LRRC8A: variants seen among roughly 807,000 people sequenced by gnomAD.
LRRC8A encodes volume-regulated anion channel subunit LRRC8A.
Under a neutral mutation model 52.5 loss-of-function variants are expected in LRRC8A, and 24 were observed. The ratio of observed to expected loss-of-function variants is 0.46; its 90% confidence interval spans 0.33 to 0.64. LRRC8A has a LOEUF of 0.64. Ranked by LOEUF, LRRC8A falls within the 30% of genes least tolerant of loss-of-function variation. The probability of loss-of-function intolerance (pLI) is 0.02; values close to 1 mark genes in which losing one functional copy is unlikely to be tolerated. For synonymous variants in LRRC8A, 492 were observed against 494.2 expected, an observed-to-expected ratio of 1.00 and a Z score of 0.06; for missense variants, 677 against 1,094.7, an observed-to-expected ratio of 0.62 and a Z score of 5.38.
At chr9:128,895,669 C>T (rs1839795542) in intron 2 of LRRC8A, among the ~76,000 whole-genome samples, 1 of 152,116 alleles carries the variant, frequency 6.6e-6, no homozygotes, top group Non-Finnish European at 1.5e-5. Flanking sequence ...TCCCTGGGGG[C>T]AGGGCAGGAC....
At position 128,902,544 on chromosome 9, in the gene LRRC8A, C is replaced by A. The variant is rs1840067277; in HGVS notation, c.-8-4613C>A. Among the ~76,000 whole-genome samples, 1 of 152,232 alleles carries A rather than the reference C, an allele frequency of 6.6e-6. No homozygotes were observed. Among genetic ancestry groups the A allele is most frequent in the Non-Finnish European group, 1.5e-5 (1 of 68,044 alleles). On this transcript the variant is annotated intron_variant, in intron 2 of 3. Transcript: ENST00000372600. The surrounding 1 kb of genome is among the most constrained non-coding windows in gnomAD (Gnocchi z 4.1). ...GTTGCAGTATCATTGTCACCACATC[C>A]TGCCCGCTCAAACAGCCGCGCCCGC...
intron 3 of LRRC8A, 37 bp downstream of exon 3, chr9:128,909,358 C>T (rs770874046): frequency 2.3e-5 from 36 of 1,592,296 alleles, no homozygotes; most frequent in Admixed American, 1.8e-4. Context: ...TGTGGGCTGG[C>T]GGGTGGCCTG....
At chr9:128,891,600 C>T (rs1211608874) in intron 2 of LRRC8A, among the ~76,000 whole-genome samples, 2 of 152,148 alleles carry the variant, frequency 1.3e-5, no homozygotes, top group Non-Finnish European at 2.9e-5. Flanking sequence ...CCCTTCTGCC[C>T]CCAGGGCCCA....
chr9:128,901,142 C>T (rs541051289), intron 2 of LRRC8A, among the ~76,000 whole-genome samples: 40 of 152,240 alleles, frequency 2.6e-4, no homozygotes, highest in African/African-American at 8.7e-4. Flanking sequence ...CACTGCACTC[C>T]GGCCTGGGCG....
rs772356896 is a variant in LRRC8A at position 128,909,114 on chromosome 9, C to T, written c.1950C>T (p.His650=). The change falls in exon 3 of 4, where the codon CAC becomes CAT. Residue 650 remains histidine (H), a synonymous_variant. Transcript: ENST00000372600. ...CCTGCCTTAAGCTGTGGTACAACCACATCGCCTACATCCCCATCCAGATCG... is the reference window on the plus strand; with the variant it reads ...CCTGCCTTAAGCTGTGGTACAACCATATCGCCTACATCCCCATCCAGATCG... The part of the protein sequence containing the change: ...RLTCLKLWYN[H]IAYIPIQIGN... 6.2e-7 allele frequency: 1 copy of T among 1,614,176 alleles called. No individual in the cohort carries two copies. The highest frequency in any genetic ancestry group is 1.7e-5 in the Admixed American group (1 of 60,022).
At position 128,902,883 on chromosome 9, in the gene LRRC8A, C is replaced by T. The variant is rs887945260; in HGVS notation, c.-8-4274C>T. 2.0e-5 allele frequency among the ~76,000 whole-genome samples: 3 copies of T among 152,124 alleles called. No individual in the cohort carries two copies. The highest frequency in any genetic ancestry group is 7.2e-5 in the African/African-American group (3 of 41,430). On this transcript the variant is annotated intron_variant, in intron 2 of 3. Coordinates refer to ENST00000372600, the MANE Select transcript of LRRC8A (RefSeq NM_019594.4). This position sits in a 1 kb window ranked among gnomAD's most constrained non-coding sequence, Gnocchi z 4.1. ...GACTTCTGGCCTGGAGCTGCCAGCC[C>T]AGGGCGGGCGGTGGTGTCTGCTGGC...
intron 1 of LRRC8A, among the ~76,000 whole-genome samples, chr9:128,884,814 T>C (rs533839172): frequency 6.6e-6 from 1 of 152,238 alleles, no homozygotes; most frequent in African/African-American, 2.4e-5. Context: ...CCTATATAGC[T>C]GTAGGTACTT....
At position 128,911,540 on chromosome 9, in the gene LRRC8A, TC is replaced by T. The variant is rs934382410; in HGVS notation, c.2157+2221del. Among the ~76,000 whole-genome samples the T allele has an allele frequency of 1.7e-4, 26 of 152,224 alleles. No individual in the cohort carries two copies. The highest frequency in any genetic ancestry group is 6.3e-4 in the African/African-American group (26 of 41,540). On this transcript the variant is annotated intron_variant, in intron 3 of 3. Transcript: ENST00000372600. This position sits in a 1 kb window ranked among gnomAD's most constrained non-coding sequence, Gnocchi z 4.9. ...GTGCTGCCCTTGATAAGCTGGGACT[TC>T]CTCACAGCTCCTGCCATTCCTGCCC...
intron 1 of LRRC8A, chr9:128,882,713 C>T (rs575513325): frequency 7.4e-4 from 296 of 398,968 alleles, no homozygotes; most frequent in African/African-American, 5.4e-3. Flanking sequence ...ACCCCTCCTT[C>T]CTATCGTTCC....
At chr9:128,909,368 G>A in intron 3 of LRRC8A, 47 bp downstream of exon 3, 2 of 1,574,668 alleles carry the variant, frequency 1.3e-6, no homozygotes. Context: ...CGGGTGGCCT[G>A]GCCAGGGCTT....
chr9:128,902,450 C>T lies in LRRC8A; in HGVS notation c.-8-4707C>T, dbSNP rs1040904511. Among the ~76,000 whole-genome samples, 2 of 152,100 alleles carry T rather than the reference C, an allele frequency of 1.3e-5. No individual in the cohort carries two copies. Among genetic ancestry groups the T allele is most frequent in the African/African-American group, 2.4e-5 (1 of 41,424 alleles). ...AAGCCCCAGGTCGGCGGGGCTGGGG[C>T]GGCTCCTCGCAGAGGAAGCAGGTGT... On this transcript the variant is annotated intron_variant, in intron 2 of 3. Coordinates refer to ENST00000372600, the MANE Select transcript of LRRC8A (RefSeq NM_019594.4). The surrounding 1 kb of genome is among the most constrained non-coding windows in gnomAD (Gnocchi z 4.1).
Position 128,907,713 on chromosome 9 carries a change from C to T in LRRC8A, c.549C>T (p.Pro183=). ...LSETVVEESD[P]KPAFSKMNGS... is the part of the protein sequence containing the mutation. ...AGACAGTGGTGGAGGAGAGCGACCC[C>T]AAGCCGGCCTTCAGCAAGATGAATG... Residue 183 remains proline, a synonymous_variant, in exon 3 of 4, where the codon CCC becomes CCT. Transcript: ENST00000372600. The surrounding 1 kb of genome is among the most constrained non-coding windows in gnomAD (Gnocchi z 9.3). 1 of 1,613,564 alleles carries T rather than the reference C, an allele frequency of 6.2e-7. No homozygotes were observed. The highest frequency in any genetic ancestry group is 8.5e-7 in the Non-Finnish European group (1 of 1,179,826).
intron 1 of LRRC8A, among the ~76,000 whole-genome samples, chr9:128,883,353 C>T (rs999830687): frequency 1.3e-5 from 2 of 152,236 alleles, no homozygotes; most frequent in Admixed American, 1.3e-4. Context: ...GAGCAGACAA[C>T]CTGGCAGACA....
chr9:128,916,377 G>T lies in LRRC8A; in HGVS notation c.*6G>T, dbSNP rs766921702. 4 of 1,606,172 alleles carry T rather than the reference G, an allele frequency of 2.5e-6. No homozygotes were observed. In the Admixed American group the frequency reaches 6.7e-5, roughly 27 times the overall value. On this transcript the variant is annotated 3_prime_UTR_variant, in exon 4 of 4. Transcript: ENST00000372600. This position sits in a 1 kb window ranked among gnomAD's most constrained non-coding sequence, Gnocchi z 6.1. Reference sequence around the variant, plus strand: ...CTGACAAGGAGCAGGCCTGAGCGAGGCCGGCCCAGCACAGCAAGCAGCAGG... The same window carrying T: ...CTGACAAGGAGCAGGCCTGAGCGAGTCCGGCCCAGCACAGCAAGCAGCAGG...
At position 128,907,740 on chromosome 9, in the gene LRRC8A, G is replaced by A. The variant is rs747225788; in HGVS notation, c.576G>A (p.Gly192=). The A allele has an allele frequency of 4.3e-6, 7 of 1,613,488 alleles. No homozygotes were observed. Among genetic ancestry groups the A allele is most frequent in the African/African-American group, 4.0e-5 (3 of 74,918 alleles). ...DPKPAFSKMN[G]SMDKKSSTVS... Reference sequence around the variant, plus strand: ...AGCCGGCCTTCAGCAAGATGAATGGGTCCATGGACAAAAAGTCATCGACCG... The same window carrying A: ...AGCCGGCCTTCAGCAAGATGAATGGATCCATGGACAAAAAGTCATCGACCG... Residue 192 remains glycine, a synonymous_variant, in exon 3 of 4, where the codon GGG becomes GGA. Transcript: ENST00000372600. The surrounding 1 kb of genome is among the most constrained non-coding windows in gnomAD (Gnocchi z 9.3).
rs1388544549 is a variant in LRRC8A, at chr9:128,886,079, C to G, written c.-51C>G. ...TGCACAGGCAGACGCGGGCCAGCCT[C>G]AGCACCGACAGCCGACGCGCAGATA... On this transcript the variant is annotated 5_prime_UTR_variant, in exon 2 of 4. An upstream open reading frame in the 5' UTR gains an earlier in-frame stop. Coordinates refer to ENST00000372600, the MANE Select transcript of LRRC8A (RefSeq NM_019594.4). 1 of 152,450 alleles carries G rather than the reference C, an allele frequency of 6.6e-6. No individual in the cohort carries two copies. Among genetic ancestry groups the G allele is most frequent in the Admixed American group, 6.5e-5 (1 of 15,284 alleles). The allele number at this position is 152,450 out of a possible 1,614,324, so 9.4% of individuals were successfully genotyped here. A position where few individuals can be genotyped will look rare whatever the true frequency, so the allele number is the denominator to read the frequency against.
rs1246916963 is a variant in LRRC8A at position 128,886,088 on chromosome 9, C to T, written c.-42C>T. Reference sequence around the variant, plus strand: ...AGACGCGGGCCAGCCTCAGCACCGACAGCCGACGCGCAGATAGCAGAGCCA... The same window carrying T: ...AGACGCGGGCCAGCCTCAGCACCGATAGCCGACGCGCAGATAGCAGAGCCA... On this transcript the variant is annotated 5_prime_UTR_variant, in exon 2 of 4. An upstream open reading frame in the 5' UTR gains an earlier in-frame stop. Coordinates refer to ENST00000372600, the MANE Select transcript of LRRC8A (RefSeq NM_019594.4). The T allele has an allele frequency of 1.3e-5, 2 of 152,472 alleles. No individual in the cohort carries two copies. The allele number at this position is 152,472 out of a possible 1,614,324, so 9.4% of individuals were successfully genotyped here.
In LRRC8A at chr9:128,907,251, C is replaced by G. The variant is rs750869864; in HGVS notation, c.87C>G (p.Asp29Glu). Residue 29 changes from aspartate to glutamate, a missense_variant, in exon 3 of 4, where the codon GAC becomes GAG. Asp to Glu is a conservative substitution (Grantham distance 45). Coordinates refer to ENST00000372600, the MANE Select transcript of LRRC8A (RefSeq NM_019594.4). The surrounding 1 kb of genome is among the most constrained non-coding windows in gnomAD (Gnocchi z 9.3). ...AGCCGTGGTGGGATGTGTTCACAGA[C>G]TACATCTCTATCGTCATGCTGATGA... ...ILKPWWDVFT[D>E]YISIVMLMIA... 3 of 1,614,134 alleles carry G rather than the reference C, an allele frequency of 1.9e-6. No homozygotes were observed. In the South Asian group the frequency reaches 3.3e-5, roughly 18 times the overall value.
intron 1 of LRRC8A, among the ~76,000 whole-genome samples, chr9:128,884,456 G>A (rs1839310517): frequency 6.6e-6 from 1 of 152,180 alleles, no homozygotes; most frequent in African/African-American, 2.4e-5. Flanking sequence ...TTGGGCCTGG[G>A]ATGGCTGGGA....
Sources: allele counts gnomAD v4.1 joint callset (sites outside exome capture counted in the v4.1 genomes callset), GRCh38; gene constraint gnomAD v4.1.1; non-coding constraint Gnocchi (gnomAD v3.1); transcripts MANE v1.5; gene names NCBI Gene and HGNC (gene_info 2026-07-23, HGNC 2026-07-21).